The following REDIC1 variants were observed in gnomAD, a reference collection of about 807,000 sequenced individuals.
REDIC1 encodes the protein regulator of DNA class I crossover intermediates 1.
chr12:39,814,969 T>G, the REDIC1 span, among the ~76,000 whole-genome samples: 3 of 152,112 alleles, frequency 2.0e-5, no homozygotes, highest in Non-Finnish European at 4.4e-5. Flanking sequence ...TTATGAATTC[T>G]TCTTACACTT....
At chr12:39,891,689 C>T in the REDIC1 span, among the ~76,000 whole-genome samples, 1 of 152,070 alleles carries the variant, frequency 6.6e-6, no homozygotes, top group East Asian at 1.9e-4. Context: ...TATTAGAAAC[C>T]TGGTGGCTCA....
chr12:39,810,617 A>T, the REDIC1 span, among the ~76,000 whole-genome samples: 1 of 152,132 alleles, frequency 6.6e-6, no homozygotes, highest in Non-Finnish European at 1.5e-5. Flanking sequence ...GGTTTTTAAG[A>T]GATGTTATGT....
chr12:39,650,116 G>T, the REDIC1 span: 3 of 1,056,126 alleles, frequency 2.8e-6, no homozygotes, highest in Non-Finnish European at 2.5e-6. The surrounding 1 kb of genome is among the most constrained non-coding windows in gnomAD (Gnocchi z 4.3). Flanking sequence ...CTTTATTTTG[G>T]ACTATTTTTA....
chr12:39,818,514 A>G, the REDIC1 span, among the ~76,000 whole-genome samples: 2 of 152,198 alleles, frequency 1.3e-5, no homozygotes, highest in Admixed American at 6.5e-5. Context: ...CTCTAACTTT[A>G]TAAGTAGCTA....
chr12:39,725,020 A>G, the REDIC1 span, among the ~76,000 whole-genome samples: 7 of 152,076 alleles, frequency 4.6e-5, no homozygotes, highest in African/African-American at 1.7e-4. Context: ...AAGACCAGCA[A>G]TTTCCAAGTG....
At chr12:39,652,159 TG>T in the REDIC1 span, among the ~76,000 whole-genome samples, 2 of 152,166 alleles carry the variant, frequency 1.3e-5, no homozygotes, top group Admixed American at 6.5e-5. Flanking sequence ...CATGGGCATT[TG>T]GTGTTTCCCC....
At chr12:39,800,309 G>T in the REDIC1 span, among the ~76,000 whole-genome samples, 1 of 152,102 alleles carries the variant, frequency 6.6e-6, no homozygotes, top group Admixed American at 6.5e-5. Context: ...AATTGGCAAG[G>T]TATTTCCAAG....
chr12:39,714,127 A>G, the REDIC1 span, among the ~76,000 whole-genome samples: 1 of 150,626 alleles, frequency 6.6e-6, no homozygotes, highest in South Asian at 2.1e-4. Context: ...GTATATGTAT[A>G]TATGTACATA....
At chr12:39,691,559 G>T in the REDIC1 span, among the ~76,000 whole-genome samples, 1 of 152,072 alleles carries the variant, frequency 6.6e-6, no homozygotes, top group Non-Finnish European at 1.5e-5. Context: ...GGGTTCGTTT[G>T]CTTTGTTAGA....
chr12:39,663,916 A>G, the REDIC1 span, among the ~76,000 whole-genome samples: 1 of 150,818 alleles, frequency 6.6e-6, no homozygotes, highest in Non-Finnish European at 1.5e-5. Context: ...TTTCTCTTTC[A>G]TTTTTGAAGG....
the REDIC1 span, among the ~76,000 whole-genome samples, chr12:39,740,115 C>G: frequency 1.8e-3 from 276 of 152,300 alleles, no homozygotes; most frequent in African/African-American, 6.1e-3. Flanking sequence ...TTGAAATTGT[C>G]AAACCACCAA....
chr12:39,716,348 ACAG>A, the REDIC1 span, among the ~76,000 whole-genome samples: 1 of 152,066 alleles, frequency 6.6e-6, no homozygotes, highest in Non-Finnish European at 1.5e-5. Flanking sequence ...TTTTGATTGC[ACAG>A]TAAACTTTCA....
At chr12:39,760,267 A>G in the REDIC1 span, 4 of 1,594,122 alleles carry the variant, frequency 2.5e-6, no homozygotes, top group Non-Finnish European at 3.4e-6. Flanking sequence ...AACGGAATAT[A>G]ATAGATACAT....
chr12:39,727,184 G>A, the REDIC1 span, among the ~76,000 whole-genome samples: 3 of 152,174 alleles, frequency 2.0e-5, no homozygotes, highest in Non-Finnish European at 2.9e-5. Context: ...TTTGGCTTTT[G>A]TTGTCACTGC....
At chr12:39,709,951 G>T in the REDIC1 span, among the ~76,000 whole-genome samples, 1 of 151,738 alleles carries the variant, frequency 6.6e-6, no homozygotes, top group Non-Finnish European at 1.5e-5. Context: ...AGTGCAAAAA[G>T]ATTCCAGTTT....
the REDIC1 span, among the ~76,000 whole-genome samples, chr12:39,834,880 G>A: frequency 5.3e-5 from 8 of 152,086 alleles, no homozygotes; most frequent in Admixed American, 3.3e-4. Context: ...TAAATATCCT[G>A]GGGAATCTGC....
the REDIC1 span, among the ~76,000 whole-genome samples, chr12:39,750,252 C>G: frequency 7.2e-5 from 11 of 152,186 alleles, no homozygotes; most frequent in Admixed American, 7.2e-4. Flanking sequence ...GCAGAAATCA[C>G]AAGGATTCTT....
the REDIC1 span, among the ~76,000 whole-genome samples, chr12:39,833,962 T>C: frequency 6.6e-6 from 1 of 151,382 alleles, no homozygotes; most frequent in African/African-American, 2.4e-5. Context: ...CCTCAGTCTA[T>C]AGGGTTCCTT....
At chr12:39,862,655 G>GA in the REDIC1 span, among the ~76,000 whole-genome samples, 3 of 152,166 alleles carry the variant, frequency 2.0e-5, no homozygotes, top group Non-Finnish European at 4.4e-5. Context: ...AAGGTATTAT[G>GA]TGATTCTTTT....
Sources: gnomAD v4.1 joint callset for allele counts (sites outside exome capture counted in the v4.1 genomes callset) on GRCh38, gnomAD v4.1.1 for gene constraint, Gnocchi (gnomAD v3.1) non-coding constraint, MANE v1.5 for transcripts, NCBI Gene and HGNC (gene_info 2026-07-23, HGNC 2026-07-21) for gene names.